The following NT5C2 variants were observed in gnomAD, a reference collection of about 807,000 sequenced individuals.
NT5C2 encodes cytosolic purine 5'-nucleotidase.
Under a neutral mutation model 76.1 loss-of-function variants are expected in NT5C2, and 58 were observed. That is an observed-to-expected ratio of 0.76 (90% CI 0.62 to 0.95). The LOEUF (loss-of-function observed/expected upper bound fraction) is 0.95, where lower values mean the gene tolerates loss of function less well. NT5C2 is among the 40% of genes least tolerant of loss of function. The probability of loss-of-function intolerance (pLI) is 0.00; values close to 1 mark genes in which losing one functional copy is unlikely to be tolerated. For synonymous variants in NT5C2, 229 were observed against 237.4 expected (o/e 0.96, Z 0.32); for missense variants, 478 against 690.3 (o/e 0.69, Z 3.45).
At chr10:103,175,305 T>C (rs772661905) in intron 2 of NT5C2, among the ~76,000 whole-genome samples, 10 of 152,196 alleles carry the variant, frequency 6.6e-5, no homozygotes, top group Non-Finnish European at 8.8e-5. Flanking sequence ...TGTGAAGATA[T>C]ATAATTTTAA....
chr10:103,191,440 A>T (rs1256143753), intron 1 of NT5C2, among the ~76,000 whole-genome samples: 2 of 151,636 alleles, frequency 1.3e-5, no homozygotes, highest in Non-Finnish European at 2.9e-5. Context: ...CCTGTGTTTT[A>T]TGTACTCCTC....
At chr10:103,112,165 G>C (rs2073187650) in intron 4 of NT5C2, among the ~76,000 whole-genome samples, 1 of 152,190 alleles carries the variant, frequency 6.6e-6, no homozygotes. Context: ...TAACACGATA[G>C]AAACTGAATA....
intron 3 of NT5C2, among the ~76,000 whole-genome samples, chr10:103,150,831 C>A (rs1591503046): frequency 6.6e-6 from 1 of 152,106 alleles, no homozygotes; most frequent in East Asian, 1.9e-4. Flanking sequence ...TACAAGAGTT[C>A]TTCGTATATT....
chr10:103,130,475 C>T lies in NT5C2; in HGVS notation c.175+8931G>A, dbSNP rs1019428266. ...CAGAGACCTTTGTTCACTTGTTTAT[C>T]TGCTGACCTTCCCTCCACTATTGTC... On this transcript the variant is annotated intron_variant, in intron 4 of 18. Transcript: ENST00000404739. Among the ~76,000 whole-genome samples, 123 of 147,890 alleles carry T rather than the reference C, an allele frequency of 8.3e-4. 3 individuals are homozygous for T. Among genetic ancestry groups the T allele is most frequent in the Middle Eastern group, 3.4e-3 (1 of 290 alleles).
At chr10:103,175,818 G>A (rs1215361800) in intron 2 of NT5C2, 1 of 187,096 alleles carries the variant, frequency 5.3e-6, no homozygotes, top group African/African-American at 2.4e-5. Flanking sequence ...CTCTCAAGAA[G>A]TCTTTCAAAT....
chr10:103,191,319 T>C (rs2092621047), intron 1 of NT5C2, among the ~76,000 whole-genome samples: 1 of 149,960 alleles, frequency 6.7e-6, no homozygotes, highest in South Asian at 2.1e-4. Flanking sequence ...GAGGTGGAGG[T>C]TGCAATGAGC....
chr10:103,113,640 C>G (rs2073613742), intron 4 of NT5C2, among the ~76,000 whole-genome samples: 1 of 151,822 alleles, frequency 6.6e-6, no homozygotes, highest in African/African-American at 2.4e-5. Context: ...TGATCCTGGG[C>G]CGTGAAAGAG....
rs1162300557 is a variant in NT5C2 at position 103,093,176 on chromosome 10, T to C, written c.1122A>G (p.Glu374=). The change falls in exon 15 of 19, where the codon GAA becomes GAG. Residue 374 remains glutamate (E), a synonymous_variant. Coordinates refer to ENST00000404739, the MANE Select transcript of NT5C2 (RefSeq NM_001351169.2). ...TCCAGACATGTAGCTCCTGTGCGAG[T>C]TCAGGAATCACCAAAAAAGTTCGCC... ...QGWRTFLVIP[E]LAQELHVWTD... The C allele has an allele frequency of 1.9e-6, 3 of 1,611,266 alleles. No homozygotes were observed. The South Asian group carries it at 3.3e-5, about 18-fold the overall frequency.
intron 1 of NT5C2, among the ~76,000 whole-genome samples, chr10:103,192,479 C>A (rs1164242522): frequency 6.6e-6 from 1 of 152,226 alleles, no homozygotes; most frequent in Non-Finnish European, 1.5e-5. Context: ...GGGTTCAGGC[C>A]TCAGATCGGC....
intron 9 of NT5C2, 134 bp downstream of exon 9, chr10:103,099,792 C>A: frequency 1.8e-6 from 1 of 562,904 alleles, no homozygotes; most frequent in Admixed American, 3.0e-5. Flanking sequence ...TTCTAGAGGG[C>A]TATCACTAGG....
chr10:103,149,055 G>C (rs1246143341), intron 3 of NT5C2, among the ~76,000 whole-genome samples: 1 of 152,172 alleles, frequency 6.6e-6, no homozygotes, highest in Non-Finnish European at 1.5e-5. Context: ...ACTGCGTCCA[G>C]GGAGGGGGAA....
intron 4 of NT5C2, among the ~76,000 whole-genome samples, chr10:103,110,298 A>T (rs1452718349): frequency 3.9e-5 from 6 of 152,112 alleles, no homozygotes; most frequent in East Asian, 1.9e-4. Context: ...TCTACTAAAA[A>T]CACAAAAATT....
At chr10:103,163,704 A>G (rs2085538175) in intron 3 of NT5C2, among the ~76,000 whole-genome samples, 1 of 134,906 alleles carries the variant, frequency 7.4e-6, no homozygotes, top group African/African-American at 2.8e-5. Flanking sequence ...GCAATAACTA[A>G]AAACTTAAAA....
intron 2 of NT5C2, among the ~76,000 whole-genome samples, chr10:103,180,471 C>T (rs2090856472): frequency 6.6e-6 from 1 of 152,190 alleles, no homozygotes; most frequent in Non-Finnish European, 1.5e-5. Flanking sequence ...GTGGCTCACA[C>T]CTCTAATCCC....
At chr10:103,127,679 A>G (rs2076919735) in intron 4 of NT5C2, among the ~76,000 whole-genome samples, 1 of 152,214 alleles carries the variant, frequency 6.6e-6, no homozygotes, top group South Asian at 2.1e-4. Flanking sequence ...ACTCTCCCAC[A>G]GTACCCAGTA....
chr10:103,168,685 A>C (rs1444261753), intron 3 of NT5C2, among the ~76,000 whole-genome samples: 2 of 152,250 alleles, frequency 1.3e-5, no homozygotes, highest in African/African-American at 2.4e-5. Context: ...AAGGAGCAAC[A>C]GTCATACATT....
At chr10:103,129,107 C>T (rs1201425964) in intron 4 of NT5C2, among the ~76,000 whole-genome samples, 35 of 129,082 alleles carry the variant, frequency 2.7e-4, no homozygotes, top group Non-Finnish European at 5.1e-4. Context: ...GCCAGCCGTG[C>T]CGTCCGGGAG....
At chr10:103,100,937 A>G (rs527679365) in intron 8 of NT5C2, 108 bp downstream of exon 8, 2 of 749,088 alleles carry the variant, frequency 2.7e-6, no homozygotes, top group South Asian at 1.5e-5. Flanking sequence ...CACTAGCACT[A>G]AATTCACTTT....
At chr10:103,126,658 C>T (rs1216456779) in intron 4 of NT5C2, among the ~76,000 whole-genome samples, 1 of 152,128 alleles carries the variant, frequency 6.6e-6, no homozygotes, top group Admixed American at 6.6e-5. Context: ...ATAGTCCACT[C>T]TTGGCCAGTG....
Sources: gnomAD v4.1 joint callset for allele counts (sites outside exome capture counted in the v4.1 genomes callset) on GRCh38, gnomAD v4.1.1 for gene constraint, MANE v1.5 for transcripts, NCBI Gene and HGNC (gene_info 2026-07-23, HGNC 2026-07-21) for gene names.